Variants in DNM2 observed in about 807,000 individuals in gnomAD.
The protein encoded by DNM2 is dynamin 2.
A neutral mutation model predicts 99.0 loss-of-function variants in DNM2; 15 were observed. The observed-to-expected ratio is 0.15, with a 90% CI of 0.10 to 0.23. The LOEUF (loss-of-function observed/expected upper bound fraction) is 0.23, where lower values mean the gene tolerates loss of function less well. DNM2 is among the 10% of genes least tolerant of loss of function. The pLI is 1.00. For synonymous variants in DNM2, 525 were observed against 481.2 expected, an observed-to-expected ratio of 1.09 and a Z score of -1.19; for missense variants, 742 against 1,189.4, an observed-to-expected ratio of 0.62 and a Z score of 5.53.
intron 2 of DNM2, among the ~76,000 whole-genome samples, chr19:10,770,533 C>T (rs903053994): frequency 2.0e-5 from 3 of 152,218 alleles, no homozygotes; most frequent in Middle Eastern, 3.4e-3. Context: ...CCACTTCAGC[C>T]GATATTAATC....
chr19:10,767,930 G>C (rs2070852120), intron 2 of DNM2, among the ~76,000 whole-genome samples: 1 of 151,948 alleles, frequency 6.6e-6, no homozygotes, highest in East Asian at 1.9e-4. Context: ...AAAAACCTCT[G>C]TTGACCTGGC....
Position 10,830,517 on chromosome 19 carries a change from C to G in DNM2, c.2543+139C>G, listed in dbSNP as rs1050599846. 9.3e-7 allele frequency: 1 copy of G among 1,073,508 alleles called. No individual in the cohort carries two copies. Among genetic ancestry groups the G allele is most frequent in the Non-Finnish European group, 1.3e-6 (1 of 753,748 alleles). The allele number at this position is 1,073,508 out of a possible 1,614,324, so 66.5% of individuals were successfully genotyped here. A position where few individuals can be genotyped will look rare whatever the true frequency, so the allele number is the denominator to read the frequency against. On this transcript the variant is annotated intron_variant, in intron 20 of 20. Transcript: ENST00000389253. The surrounding 1 kb of genome is among the most constrained non-coding windows in gnomAD (Gnocchi z 4.8). The stretch of plus-strand genomic sequence containing the variant: ...ATCGTCCTCATCCCTATTTGGCTTG[C>G]GAGGAAACAGGCCCAGAGAGGCCAA...
At position 10,787,752 on chromosome 19, in the gene DNM2, C is replaced by CAA. The variant is rs35556775; in HGVS notation, c.992+1064_992+1065dup. Among the ~76,000 whole-genome samples, 341 of 108,192 alleles carry CAA rather than the reference C, an allele frequency of 3.2e-3. 3 individuals are homozygous for CAA. The highest frequency in any genetic ancestry group is 6.1e-3 in the South Asian group (20 of 3,258). 71.0% of individuals were successfully genotyped at this position (108,192 alleles called of 152,430 possible). On this transcript the variant is annotated intron_variant, in intron 7 of 20. Transcript: ENST00000389253. Reference sequence around the variant, plus strand: ...CCTGGGTGATCGAGCAAGACTGTCTCAAAAAAAAAAAAAAAAAAATTGCAA... The same window carrying CAA: ...CCTGGGTGATCGAGCAAGACTGTCTCAAAAAAAAAAAAAAAAAAAAATTGCAA...
chr19:10,797,286 G>A (rs2071970184), intron 9 of DNM2, 94 bp from the exon 10 acceptor site: 7 of 1,557,480 alleles, frequency 4.5e-6, no homozygotes, highest in East Asian at 2.3e-5. Flanking sequence ...GATGACTCTC[G>A]TTTCTTCTCT....
At position 10,811,805 on chromosome 19, in the gene DNM2, C is replaced by G. The variant is rs758004582; in HGVS notation, c.1558-459C>G. 6 of 518,068 alleles carry G rather than the reference C, an allele frequency of 1.2e-5. No homozygotes were observed. Among genetic ancestry groups the G allele is most frequent in the South Asian group, 8.4e-5 (6 of 71,338 alleles). The allele number at this position is 518,068 out of a possible 1,614,324, so 32.1% of individuals were successfully genotyped here. Reference sequence around the variant, plus strand: ...GGATGACCACCAGGCTTGCAGCCAGCTTGGGACATGAGCCGCGCTCCTTCA... The same window carrying G: ...GGATGACCACCAGGCTTGCAGCCAGGTTGGGACATGAGCCGCGCTCCTTCA... On this transcript the variant is annotated intron_variant, in intron 14 of 20. Coordinates refer to ENST00000389253, the MANE Select transcript of DNM2 (RefSeq NM_001005361.3). The surrounding 1 kb of genome is among the most constrained non-coding windows in gnomAD (Gnocchi z 5.4).
At chr19:10,819,730 G>A (rs1225284057) in intron 15 of DNM2, among the ~76,000 whole-genome samples, 1 of 152,210 alleles carries the variant, frequency 6.6e-6, no homozygotes, top group Non-Finnish European at 1.5e-5. Flanking sequence ...TCAGGATCAG[G>A]CAGTAGCCCG....
chr19:10,776,489 T>G (rs973182934), intron 4 of DNM2, among the ~76,000 whole-genome samples: 2 of 152,098 alleles, frequency 1.3e-5, no homozygotes, highest in African/African-American at 4.8e-5. Context: ...CCACCAGAGA[T>G]CTTCACTCTG....
At position 10,802,369 on chromosome 19, in the gene DNM2, T is replaced by C. The variant is rs746267763; in HGVS notation, c.1493+11T>C. ...CATCGGGTTTGCCAAGTAGGTACTT[T>C]TAGAGACTGGCTGGTCGGGCGGCAC... On this transcript the variant is annotated intron_variant, in intron 12 of 20. Coordinates refer to ENST00000389253, the MANE Select transcript of DNM2 (RefSeq NM_001005361.3). 1.2e-6 allele frequency: 2 copies of C among 1,614,164 alleles called. No individual in the cohort carries two copies. Among genetic ancestry groups the C allele is most frequent in the South Asian group, 1.1e-5 (1 of 91,084 alleles).
intron 1 of DNM2, among the ~76,000 whole-genome samples, chr19:10,729,659 G>A (rs1189070449): frequency 2.0e-5 from 3 of 152,140 alleles, no homozygotes; most frequent in Admixed American, 6.6e-5. Context: ...TTTGAATTAC[G>A]CAAGTAGAGC....
intron 1 of DNM2, among the ~76,000 whole-genome samples, chr19:10,735,173 A>AGCTGGGATTAG (rs2145731378): frequency 1.3e-5 from 2 of 152,086 alleles, no homozygotes; most frequent in East Asian, 3.9e-4. Flanking sequence ...CCTCCCGAGT[A>AGCTGGGATTAG]GCTGGGATTA....
At chr19:10,779,555 T>C (rs925236223) in intron 5 of DNM2, among the ~76,000 whole-genome samples, 1 of 135,922 alleles carries the variant, frequency 7.4e-6, no homozygotes, top group African/African-American at 2.7e-5. Context: ...TCACCTAGGC[T>C]GGAGTGCACT....
At chr19:10,819,098 A>G (rs11880408) in intron 15 of DNM2, among the ~76,000 whole-genome samples, 5,210 of 152,200 alleles carry the variant, frequency 0.034, 118 homozygotes, top group South Asian at 0.089. Context: ...CGTGGCTGGC[A>G]CTTGGTGCTT....
intron 18 of DNM2, among the ~76,000 whole-genome samples, chr19:10,825,625 C>T (rs998506096): frequency 1.6e-4 from 25 of 151,948 alleles, no homozygotes; most frequent in African/African-American, 5.6e-4. Flanking sequence ...GCCTAGAGTG[C>T]ACCACTGCAC....
At position 10,829,137 on chromosome 19, in the gene DNM2, C is replaced by G. The variant is rs117598326; in HGVS notation, c.2160C>G (p.Asp720Glu). 6.2e-7 allele frequency: 1 copy of G among 1,613,690 alleles called. No homozygotes were observed. Among genetic ancestry groups the G allele is most frequent in the African/African-American group, 1.3e-5 (1 of 74,922 alleles). ...CGGCTGACCAGGCACAGCGGCGGGA[C>G]GACATGCTGCGCATGTACCATGCCC... ...EESADQAQRRDDMLRMYHALK... is the reference protein window; with the variant it reads ...EESADQAQRREDMLRMYHALK... Residue 720 changes from aspartate to glutamate, a missense_variant, in exon 19 of 21, where the codon GAC (aspartate) becomes GAG (glutamate). Asp to Glu is a conservative substitution (Grantham distance 45). This residue lies in a region of DNM2 where 240 missense variants were observed against 431.3 expected (regional missense o/e 0.56). Transcript: ENST00000389253.
chr19:10,769,171 A>G (rs2070896015), intron 2 of DNM2: 1 of 152,230 alleles, frequency 6.6e-6, no homozygotes, highest in African/African-American at 2.4e-5. Context: ...CTGTGCAGGT[A>G]TTGACTCTGA....
rs778787809 is a variant in DNM2 at position 10,720,216 on chromosome 19, A to ATT, written c.161+1826_161+1827dup. Among the ~76,000 whole-genome samples, 117 of 140,716 alleles carry ATT rather than the reference A, an allele frequency of 8.3e-4. 2 individuals are homozygous for ATT. In the East Asian group the frequency reaches 0.013, roughly 15 times the overall value. The allele number at this position is 140,716 out of a possible 152,430, so 92.3% of individuals were successfully genotyped here. A position where few individuals can be genotyped will look rare whatever the true frequency, so the allele number is the denominator to read the frequency against. On this transcript the variant is annotated intron_variant, in intron 1 of 20. Transcript: ENST00000389253. ...TTTATTTTATTTTATTTATTTATTT[A>ATT]TTTTTTTTTTTTTTGAGACAGAGTC...
rs1176295272 is a variant in DNM2, at chr19:10,831,059, G to C, written c.*12G>C. On this transcript the variant is annotated 3_prime_UTR_variant, in exon 21 of 21. Transcript: ENST00000389253. This position sits in a 1 kb window ranked among gnomAD's most constrained non-coding sequence, Gnocchi z 4.3. Reference sequence around the variant, plus strand: ...CCCTGCTCGACTAGGCCTCGAGGGGGGCGTGCTCTCGGGGGGGCCTCACGC... The same window carrying C: ...CCCTGCTCGACTAGGCCTCGAGGGGCGCGTGCTCTCGGGGGGGCCTCACGC... The C allele has an allele frequency of 6.3e-7, 1 of 1,596,206 alleles. No homozygotes were observed. Among genetic ancestry groups the C allele is most frequent in the Admixed American group, 1.7e-5 (1 of 58,008 alleles).
chr19:10,725,290 A>G lies in DNM2; in HGVS notation c.161+6887A>G, dbSNP rs555663755. The stretch of plus-strand genomic sequence containing the variant: ...GTGAATCCCGATCTCTACTAAAAAT[A>G]CAAAAATTAGCCAGGTGTGGTGGCG... On this transcript the variant is annotated intron_variant, in intron 1 of 20. Coordinates refer to ENST00000389253, the MANE Select transcript of DNM2 (RefSeq NM_001005361.3). 2.6e-5 allele frequency among the ~76,000 whole-genome samples: 4 copies of G among 152,214 alleles called. No individual in the cohort carries two copies. In the East Asian group the frequency reaches 7.7e-4, roughly 29 times the overall value.
At chr19:10,789,151 T>C (rs751780281) in intron 7 of DNM2, among the ~76,000 whole-genome samples, 7 of 152,124 alleles carry the variant, frequency 4.6e-5, no homozygotes, top group Non-Finnish European at 8.8e-5. Flanking sequence ...TGAGCCAAGA[T>C]TGTGCCACTG....
Sources: gnomAD v4.1 joint callset for allele counts (sites outside exome capture counted in the v4.1 genomes callset) on GRCh38, gnomAD v4.1.1 for gene constraint, gnomAD v4.1.1 regional missense constraint, Gnocchi (gnomAD v3.1) non-coding constraint, MANE v1.5 for transcripts, NCBI Gene and HGNC (gene_info 2026-07-23, HGNC 2026-07-21) for gene names.